The following STX17 variants were observed in gnomAD, a reference collection of about 807,000 sequenced individuals.
STX17 encodes the protein syntaxin 17.
Under a neutral mutation model 35.9 loss-of-function variants are expected in STX17, and 29 were observed. That is an observed-to-expected ratio of 0.81 (90% CI 0.60 to 1.10). The LOEUF (loss-of-function observed/expected upper bound fraction) is 1.10, where lower values mean the gene tolerates loss of function less well. Among genes scored for constraint, STX17 ranks in the 50% least tolerant of loss-of-function variants. The pLI is 0.00. For missense variants in STX17, 312 were observed against 352.3 expected, an observed-to-expected ratio of 0.89 and a Z score of 0.92; for synonymous variants, 92 against 118.3, an observed-to-expected ratio of 0.78 and a Z score of 1.44.
chr9:99,967,791 C>A, intron 7 of STX17, 52 bp downstream of exon 7: 1 of 1,518,436 alleles, frequency 6.6e-7, no homozygotes, highest in South Asian at 1.1e-5. Context: ...TCCCAGGAAT[C>A]TCTAGTATTA....
Position 99,973,820 on chromosome 9 carries a change from T to C in STX17, c.*5147T>C, listed in dbSNP as rs1830057913. Among the ~76,000 whole-genome samples the C allele has an allele frequency of 6.6e-6, 1 of 152,164 alleles. No individual in the cohort carries two copies. Among genetic ancestry groups the C allele is most frequent in the Non-Finnish European group, 1.5e-5 (1 of 68,024 alleles). ...GAATACCAAATAAAGTTCGAATCCCTTAGATTGGCATTCACAGCCTTCTAC... is the reference window on the plus strand; with the variant it reads ...GAATACCAAATAAAGTTCGAATCCCCTAGATTGGCATTCACAGCCTTCTAC... On this transcript the variant is annotated 3_prime_UTR_variant, in exon 8 of 8. Transcript: ENST00000259400.
chr9:99,967,701 G>A lies in STX17; in HGVS notation c.631G>A (p.Ala211Thr). ...DSIADHVNSAAVNVEEGTKNL... is the reference protein window; with the variant it reads ...DSIADHVNSATVNVEEGTKNL... ...CATTGCAGACCATGTCAACAGTGCT[G>A]CTGTGAATGTTGAAGAGGGAACCAA... The change falls in exon 7 of 8, where the codon GCT becomes ACT. Residue 211 changes from alanine to threonine, a missense_variant. Ala to Thr is a moderately conservative substitution (Grantham distance 58). Coordinates refer to ENST00000259400, the MANE Select transcript of STX17 (RefSeq NM_017919.3). The A allele has an allele frequency of 1.9e-6, 3 of 1,613,942 alleles. No homozygotes were observed. The highest frequency in any genetic ancestry group is 2.5e-6 in the Non-Finnish European group (3 of 1,179,908).
In STX17 at chr9:99,924,308, A is replaced by C. The variant is rs1828946048; in HGVS notation, c.124-4470A>C. On this transcript the variant is annotated intron_variant, in intron 2 of 7. Coordinates refer to ENST00000259400, the MANE Select transcript of STX17 (RefSeq NM_017919.3). ...CTTTGGACACTGAAAGTGCCCCAGC[A>C]TTGTAACAAAAGACATGTGTCTGTC... 2.0e-5 allele frequency among the ~76,000 whole-genome samples: 3 copies of C among 152,156 alleles called. No homozygotes were observed. The South Asian group carries it at 6.2e-4, about 32-fold the overall frequency.
chr9:99,960,916 G>A (rs774158921), intron 6 of STX17, among the ~76,000 whole-genome samples: 8 of 152,204 alleles, frequency 5.3e-5, no homozygotes, highest in Non-Finnish European at 5.9e-5. Context: ...AAGCATTAAG[G>A]ATAGCTTCAC....
In STX17 at chr9:99,951,724, A is replaced by G. The variant is rs537339801; in HGVS notation, c.415+439A>G. ...TAACTGACAACATTAAGTAATCTAC[A>G]ATGGGAGTTAAGCCATCATCTTCTG... is the stretch of plus-strand genomic sequence containing the variant. On this transcript the variant is annotated intron_variant, in intron 4 of 7. Coordinates refer to ENST00000259400, the MANE Select transcript of STX17 (RefSeq NM_017919.3). Among the ~76,000 whole-genome samples, 12 of 152,036 alleles carry G rather than the reference A, an allele frequency of 7.9e-5. No homozygotes were observed. In the South Asian group the frequency reaches 1.2e-3, roughly 16 times the overall value.
chr9:99,924,891 G>A (rs1193301150), intron 2 of STX17, among the ~76,000 whole-genome samples: 1 of 152,132 alleles, frequency 6.6e-6, no homozygotes, highest in Non-Finnish European at 1.5e-5. Flanking sequence ...CTTAAGTATG[G>A]TGTTAAATGT....
chr9:99,960,417 A>C lies in STX17; in HGVS notation c.582+262A>C, dbSNP rs557015170. Reference sequence around the variant, plus strand: ...TTGGATATAGAAATAAATGAAGCCCATTCTCTGCCTTTGAAGATTCTTGTT... The same window carrying C: ...TTGGATATAGAAATAAATGAAGCCCCTTCTCTGCCTTTGAAGATTCTTGTT... On this transcript the variant is annotated intron_variant, in intron 6 of 7. Transcript: ENST00000259400. 5.3e-5 allele frequency among the ~76,000 whole-genome samples: 8 copies of C among 151,572 alleles called. No homozygotes were observed. In the East Asian group the frequency reaches 1.4e-3, roughly 26 times the overall value.
intron 4 of STX17, among the ~76,000 whole-genome samples, chr9:99,953,056 TA>T (rs759055558): frequency 1.3e-5 from 2 of 150,592 alleles, no homozygotes; most frequent in African/African-American, 2.4e-5. Context: ...AGAATAAAAA[TA>T]AAAAAAAAGA....
At chr9:99,945,768 C>CA (rs1587930711) in intron 3 of STX17, 2 of 392,840 alleles carry the variant, frequency 5.1e-6, no homozygotes, top group Non-Finnish European at 5.1e-6. Context: ...AACTGTGGAA[C>CA]AAAAATTTTT....
chr9:99,936,867 G>A (rs1829247459), intron 3 of STX17, among the ~76,000 whole-genome samples: 1 of 151,994 alleles, frequency 6.6e-6, no homozygotes, highest in Non-Finnish European at 1.5e-5. Context: ...CATTTTTAGT[G>A]TGCTTAATGC....
At chr9:99,949,437 C>T (rs1829548567) in intron 3 of STX17, among the ~76,000 whole-genome samples, 1 of 151,802 alleles carries the variant, frequency 6.6e-6, no homozygotes, top group African/African-American at 2.4e-5. Flanking sequence ...TATTAAGATA[C>T]TACATAGATA....
At chr9:99,949,834 G>A (rs1829556390) in intron 3 of STX17, among the ~76,000 whole-genome samples, 1 of 151,750 alleles carries the variant, frequency 6.6e-6, no homozygotes, top group Non-Finnish European at 1.5e-5. Context: ...AAGAGGGAAA[G>A]CTCCCCAGTA....
intron 3 of STX17, among the ~76,000 whole-genome samples, chr9:99,935,532 G>A (rs1829215694): frequency 6.6e-6 from 1 of 152,074 alleles, no homozygotes; most frequent in South Asian, 2.1e-4. Flanking sequence ...TATTAGAAAA[G>A]CAGAAGCATT....
At chr9:99,924,058 A>G (rs1003966636) in intron 2 of STX17, among the ~76,000 whole-genome samples, 1 of 152,244 alleles carries the variant, frequency 6.6e-6, no homozygotes, top group Non-Finnish European at 1.5e-5. Flanking sequence ...ATGTGATTGG[A>G]CAAAAAGGGT....
intron 3 of STX17, among the ~76,000 whole-genome samples, chr9:99,937,383 CAT>C (rs1252657599): frequency 3.9e-5 from 6 of 152,194 alleles, no homozygotes; most frequent in South Asian, 2.1e-4. Context: ...TCCAATTACA[CAT>C]ATGTTAGGTT....
intron 3 of STX17, among the ~76,000 whole-genome samples, chr9:99,948,349 AATT>A (rs1236902042): frequency 1.3e-5 from 2 of 152,106 alleles, no homozygotes; most frequent in African/African-American, 2.4e-5. Flanking sequence ...ATATTATTAA[AATT>A]AATTTCCCTT....
chr9:99,959,889 T>G (rs545875641), intron 4 of STX17, 28 bp from the exon 5 acceptor site: 1 of 1,519,680 alleles, frequency 6.6e-7, no homozygotes, highest in East Asian at 2.3e-5. Context: ...AAATAAACTC[T>G]AAACATGGGG....
At chr9:99,912,199 C>T (rs1390682091) in intron 1 of STX17, among the ~76,000 whole-genome samples, 2 of 150,746 alleles carry the variant, frequency 1.3e-5, no homozygotes, top group Admixed American at 6.6e-5. Context: ...GCACTCCAGC[C>T]TGGGTGACAA....
chr9:99,935,562 A>G lies in STX17; in HGVS notation c.189+6719A>G, dbSNP rs546153225. Reference sequence around the variant, plus strand: ...AGCATTTGAACATTTGCTGTGTTCTAGATACTCTTCTAGACACTGGGCATA... The same window carrying G: ...AGCATTTGAACATTTGCTGTGTTCTGGATACTCTTCTAGACACTGGGCATA... On this transcript the variant is annotated intron_variant, in intron 3 of 7. Coordinates refer to ENST00000259400, the MANE Select transcript of STX17 (RefSeq NM_017919.3). 2.0e-5 allele frequency among the ~76,000 whole-genome samples: 3 copies of G among 152,314 alleles called. No individual in the cohort carries two copies. In the South Asian group the frequency reaches 6.2e-4, roughly 32 times the overall value.
Sources: gnomAD v4.1 joint callset for allele counts (sites outside exome capture counted in the v4.1 genomes callset) on GRCh38, gnomAD v4.1.1 for gene constraint, MANE v1.5 for transcripts, NCBI Gene and HGNC (gene_info 2026-07-23, HGNC 2026-07-21) for gene names.